MSI2: variants seen among roughly 807,000 people sequenced by gnomAD.
MSI2 encodes the protein RNA-binding protein Musashi homolog 2.
In MSI2, 17 loss-of-function variants were observed where a neutral mutation model predicts 45.6. The observed-to-expected ratio is 0.37, with a 90% CI of 0.26 to 0.56. MSI2 has a LOEUF of 0.56. Ranked by LOEUF, MSI2 falls within the 20% of genes least tolerant of loss-of-function variation. The probability of loss-of-function intolerance (pLI) is 0.77; values close to 1 mark genes in which losing one functional copy is unlikely to be tolerated. For synonymous variants in MSI2, 156 were observed against 158.2 expected, an observed-to-expected ratio of 0.99 and a Z score of 0.11; for missense variants, 293 against 444.2, an observed-to-expected ratio of 0.66 and a Z score of 3.06.
At position 57,558,756 on chromosome 17, in the gene MSI2, A is replaced by G. The variant is rs571139264; in HGVS notation, c.454+29032A>G. On this transcript the variant is annotated intron_variant, in intron 7 of 13. Transcript: ENST00000284073. ...CTCCCAGTTTGTCTGTTTGCCTCCC[A>G]TGTATCAAGAACTCAGAGGTTCAGC... Among the ~76,000 whole-genome samples the G allele has an allele frequency of 2.3e-3, 354 of 152,298 alleles. 1 individual carries two copies. Among genetic ancestry groups the G allele is most frequent in the African/African-American group, 8.1e-3 (338 of 41,580 alleles).
At chr17:57,640,798 C>T (rs983771456) in intron 10 of MSI2, among the ~76,000 whole-genome samples, 17 of 152,176 alleles carry the variant, frequency 1.1e-4, no homozygotes, top group Non-Finnish European at 2.9e-5. Flanking sequence ...AGCAAGGACT[C>T]ACTGAGATGA....
intron 6 of MSI2, among the ~76,000 whole-genome samples, chr17:57,465,179 A>C (rs981248092): frequency 6.6e-6 from 1 of 152,226 alleles, no homozygotes; most frequent in Non-Finnish European, 1.5e-5. Flanking sequence ...ATTAAAGCAC[A>C]GGCCGGGTGC....
In MSI2 at chr17:57,652,011, C is replaced by A. The variant is rs1050203286; in HGVS notation, c.728-88C>A. 7 of 1,205,470 alleles carry A rather than the reference C, an allele frequency of 5.8e-6. No individual in the cohort carries two copies. In the East Asian group the frequency reaches 7.0e-5, roughly 12 times the overall value. 74.7% of individuals were successfully genotyped at this position (1,205,470 alleles called of 1,614,324 possible). On this transcript the variant is annotated intron_variant, in intron 10 of 13. Coordinates refer to ENST00000284073, the MANE Select transcript of MSI2 (RefSeq NM_138962.4). The surrounding 1 kb of genome is among the most constrained non-coding windows in gnomAD (Gnocchi z 4.1). ...CCCACTCCTGTCTTTGTGTGGAGGG[C>A]GGGGGGTTGTGTGGCCCGTGACCTA... is the stretch of plus-strand genomic sequence containing the variant.
intron 6 of MSI2, among the ~76,000 whole-genome samples, chr17:57,484,677 G>C (rs2085716791): frequency 6.6e-6 from 1 of 152,144 alleles, no homozygotes; most frequent in Admixed American, 6.5e-5. Flanking sequence ...CTGAGTGCTT[G>C]GACCCTCTGT....
intron 5 of MSI2, among the ~76,000 whole-genome samples, chr17:57,292,387 G>C (rs1910501028): frequency 6.6e-6 from 1 of 152,192 alleles, no homozygotes; most frequent in Non-Finnish European, 1.5e-5. Flanking sequence ...AGAGAACAGG[G>C]CCTGGACCAG....
At chr17:57,569,197 T>G (rs2087811402) in intron 7 of MSI2, among the ~76,000 whole-genome samples, 1 of 152,154 alleles carries the variant, frequency 6.6e-6, no homozygotes, top group South Asian at 2.1e-4. Context: ...AGCATGTGCT[T>G]CTAATCATCT....
At chr17:57,535,397 C>A (rs2086900241) in intron 7 of MSI2, among the ~76,000 whole-genome samples, 1 of 152,154 alleles carries the variant, frequency 6.6e-6, no homozygotes, top group South Asian at 2.1e-4. Flanking sequence ...AATCCCATAG[C>A]CTGGTGAGGG....
rs564290706 is a variant in MSI2, at chr17:57,549,140, G to A, written c.454+19416G>A. On this transcript the variant is annotated intron_variant, in intron 7 of 13. Coordinates refer to ENST00000284073, the MANE Select transcript of MSI2 (RefSeq NM_138962.4). ...TTCTCCCACCTGGGCCTTCCAAAGT[G>A]CTAGGATTACAGGCGTGAGCCGCCG... 1.2e-4 allele frequency among the ~76,000 whole-genome samples: 18 copies of A among 152,302 alleles called. No homozygotes were observed. In the South Asian group the frequency reaches 3.7e-3, roughly 32 times the overall value.
intron 6 of MSI2, among the ~76,000 whole-genome samples, chr17:57,459,061 A>G (rs929470527): frequency 6.6e-6 from 1 of 152,242 alleles, no homozygotes; most frequent in African/African-American, 2.4e-5. Context: ...TGGCAGAGGC[A>G]GGCCAATGCT....
chr17:57,513,551 C>G (rs1209123582), intron 6 of MSI2, among the ~76,000 whole-genome samples: 1 of 152,208 alleles, frequency 6.6e-6, no homozygotes, highest in African/African-American at 2.4e-5. Context: ...TTTTATAAAT[C>G]TAGAATTCGA....
chr17:57,351,143 G>A (rs1411884145), intron 5 of MSI2, among the ~76,000 whole-genome samples: 1 of 152,030 alleles, frequency 6.6e-6, no homozygotes, highest in Non-Finnish European at 1.5e-5. Context: ...TCTTCCATTG[G>A]CCAAGCCCAA....
chr17:57,336,014 C>T (rs1853605883), intron 5 of MSI2, among the ~76,000 whole-genome samples: 1 of 152,190 alleles, frequency 6.6e-6, no homozygotes, highest in Admixed American at 6.5e-5. Context: ...GAGAGGACTT[C>T]AGAGCAGAGT....
intron 9 of MSI2, among the ~76,000 whole-genome samples, chr17:57,625,372 C>A (rs981050438): frequency 3.3e-5 from 5 of 152,166 alleles, no homozygotes; most frequent in African/African-American, 1.2e-4. Flanking sequence ...GACGGTGGAG[C>A]CCACCTCCAA....
At chr17:57,263,384 A>G (rs1598041953) in intron 5 of MSI2, 1 of 152,248 alleles carries the variant, frequency 6.6e-6, no homozygotes, top group African/African-American at 2.4e-5. Flanking sequence ...TAAGCAAATG[A>G]TAGGAATTAA....
At chr17:57,559,484 A>G (rs1339927825) in intron 7 of MSI2, among the ~76,000 whole-genome samples, 1 of 152,190 alleles carries the variant, frequency 6.6e-6, no homozygotes, top group African/African-American at 2.4e-5. Flanking sequence ...TTGGCAGAAG[A>G]TGACACATGG....
intron 5 of MSI2, among the ~76,000 whole-genome samples, chr17:57,322,666 G>T (rs1019620351): frequency 3.3e-5 from 5 of 152,180 alleles, no homozygotes; most frequent in African/African-American, 9.7e-5. Flanking sequence ...CTTGGCTGTT[G>T]GAGTGACGTG....
chr17:57,457,696 A>G (rs1403833914), intron 6 of MSI2, among the ~76,000 whole-genome samples: 1 of 152,032 alleles, frequency 6.6e-6, no homozygotes, highest in East Asian at 1.9e-4. Context: ...GGAGTTTGAG[A>G]CCAGCCTGGG....
At chr17:57,576,013 C>T (rs978116097) in intron 7 of MSI2, among the ~76,000 whole-genome samples, 9 of 149,972 alleles carry the variant, frequency 6.0e-5, no homozygotes, top group East Asian at 5.8e-4. Context: ...GCAGCCCTGG[C>T]GTATTTTTCT....
chr17:57,579,199 C>T (rs1345745124), intron 7 of MSI2, among the ~76,000 whole-genome samples: 1 of 152,130 alleles, frequency 6.6e-6, no homozygotes, highest in Non-Finnish European at 1.5e-5. Flanking sequence ...GAAAGGATGA[C>T]AGCTGAGGTT....
Sources: allele counts gnomAD v4.1 joint callset (sites outside exome capture counted in the v4.1 genomes callset), GRCh38; gene constraint gnomAD v4.1.1; non-coding constraint Gnocchi (gnomAD v3.1); transcripts MANE v1.5; gene names NCBI Gene and HGNC (gene_info 2026-07-23, HGNC 2026-07-21).